The following MDFIC2 variants were observed in gnomAD, a reference collection of about 807,000 sequenced individuals.
The protein encoded by MDFIC2 is myoD family inhibitor domain-containing protein 2.
intron 2 of MDFIC2, among the ~76,000 whole-genome samples, chr3:70,281,447 A>G (rs1015298526): frequency 4.6e-5 from 7 of 152,176 alleles, no homozygotes; most frequent in African/African-American, 1.7e-4. Flanking sequence ...TAGGCAAGTA[A>G]TCGTGAACAG....
intron 2 of MDFIC2, among the ~76,000 whole-genome samples, chr3:70,232,083 G>A (rs1701564791): frequency 6.6e-6 from 1 of 152,170 alleles, no homozygotes; most frequent in Admixed American, 6.5e-5. Flanking sequence ...ACTGGGAGAT[G>A]TGCTTTCCAA....
chr3:70,206,300 T>C (rs1028007446), intron 3 of MDFIC2, among the ~76,000 whole-genome samples: 5 of 152,030 alleles, frequency 3.3e-5, no homozygotes, highest in African/African-American at 1.2e-4. Flanking sequence ...ATCTGCCTCA[T>C]AGCCCCATAG....
intron 2 of MDFIC2, among the ~76,000 whole-genome samples, chr3:70,257,749 T>C (rs747047279): frequency 7.9e-5 from 12 of 152,198 alleles, no homozygotes; most frequent in Non-Finnish European, 1.5e-4. Flanking sequence ...AAATGACTTA[T>C]GTATTCAGTG....
intron 2 of MDFIC2, among the ~76,000 whole-genome samples, chr3:70,290,500 T>C (rs1021518670): frequency 2.6e-5 from 4 of 152,212 alleles, no homozygotes; most frequent in East Asian, 1.9e-4. Context: ...GCAGAGGTTA[T>C]GGCTGTCTTT....
chr3:70,237,529 T>C (rs903327869), intron 2 of MDFIC2, among the ~76,000 whole-genome samples: 5 of 152,234 alleles, frequency 3.3e-5, no homozygotes, highest in African/African-American at 1.2e-4. Context: ...TATGCTAAAA[T>C]TGATGTCTTA....
chr3:70,268,634 G>C (rs1300497382), intron 2 of MDFIC2, among the ~76,000 whole-genome samples: 1 of 152,108 alleles, frequency 6.6e-6, no homozygotes, highest in African/African-American at 2.4e-5. Flanking sequence ...TTGACATGTA[G>C]CTTTCTTTGT....
At chr3:70,281,028 A>T (rs1344697407) in intron 2 of MDFIC2, among the ~76,000 whole-genome samples, 1 of 152,182 alleles carries the variant, frequency 6.6e-6, no homozygotes, top group African/African-American at 2.4e-5. Context: ...TTTCCTTTGT[A>T]TCTTTGGGTC....
intron 3 of MDFIC2, among the ~76,000 whole-genome samples, chr3:70,204,314 C>T (rs867266460): frequency 6.8e-6 from 1 of 146,860 alleles, no homozygotes. Flanking sequence ...CCCCAGCTCT[C>T]AATTTCTGCA....
In MDFIC2 at chr3:70,300,438, A is replaced by C. The variant is rs759731619; in HGVS notation, c.88+11448T>G. 8.5e-5 allele frequency among the ~76,000 whole-genome samples: 13 copies of C among 152,188 alleles called. No homozygotes were observed. In the Middle Eastern group the frequency reaches 0.017, roughly 199 times the overall value. On this transcript the variant is annotated intron_variant, in intron 2 of 3. Coordinates refer to ENST00000567252, the MANE Select transcript of MDFIC2 (RefSeq NM_001364677.1). ...TCTTACAAATTGAAGATATCCAATAAAAATATAGTTAGAAGGGCATAGAGA... is the reference window on the plus strand; with the variant it reads ...TCTTACAAATTGAAGATATCCAATACAAATATAGTTAGAAGGGCATAGAGA...
chr3:70,229,931 TA>T (rs1167306389), intron 2 of MDFIC2, among the ~76,000 whole-genome samples: 1 of 152,180 alleles, frequency 6.6e-6, no homozygotes, highest in Non-Finnish European at 1.5e-5. Flanking sequence ...TTGGGGTATA[TA>T]TTATGGAATT....
chr3:70,289,013 A>G (rs989685773), intron 2 of MDFIC2, among the ~76,000 whole-genome samples: 1 of 152,084 alleles, frequency 6.6e-6, no homozygotes, highest in Non-Finnish European at 1.5e-5. Flanking sequence ...ATCTTTATCC[A>G]GTTTGCCAGT....
rs1030768739 is a variant in MDFIC2 at position 70,195,178 on chromosome 3, G to C, written c.*1748C>G. Among the ~76,000 whole-genome samples, 1 of 152,150 alleles carries C rather than the reference G, an allele frequency of 6.6e-6. No homozygotes were observed. Among genetic ancestry groups the C allele is most frequent in the East Asian group, 1.9e-4 (1 of 5,184 alleles). ...TGTGAAATATAAAAAGGTTGCATAA[G>C]AACAGCCTTATGTTCCCTTCCTGTT... On this transcript the variant is annotated 3_prime_UTR_variant, in exon 4 of 4. Transcript: ENST00000567252.
At chr3:70,225,211 TAAGAG>T (rs1264889167) in intron 2 of MDFIC2, among the ~76,000 whole-genome samples, 3 of 152,198 alleles carry the variant, frequency 2.0e-5, no homozygotes, top group African/African-American at 7.2e-5. Context: ...TTTGGTTTAA[TAAGAG>T]AAATGTATAA....
At chr3:70,246,799 G>T (rs1701711611) in intron 2 of MDFIC2, among the ~76,000 whole-genome samples, 1 of 151,698 alleles carries the variant, frequency 6.6e-6, no homozygotes, top group Admixed American at 6.6e-5. Context: ...TTTTTAGAGG[G>T]AAAAAAACCC....
Position 70,197,109 on chromosome 3 carries a change from G to A in MDFIC2, c.387C>T (p.Cys129=), listed in dbSNP as rs772155757. ...WDCLLMLPGT[C]ETVCTKMCCP... ...AGCACATTTTGGTACACACCGTTTC[G>A]CAGGTGCCGGGGAGCATCAGGAGAC... Residue 129 remains cysteine, a synonymous_variant, in exon 4 of 4, where the codon TGC becomes TGT. Coordinates refer to ENST00000567252, the MANE Select transcript of MDFIC2 (RefSeq NM_001364677.1). 1 of 398,542 alleles carries A rather than the reference G, an allele frequency of 2.5e-6. No homozygotes were observed. Among genetic ancestry groups the A allele is most frequent in the Non-Finnish European group, 4.4e-6 (1 of 226,074 alleles). The allele number at this position is 398,542 out of a possible 1,614,324, so 24.7% of individuals were successfully genotyped here. A position where few individuals can be genotyped will look rare whatever the true frequency, so the allele number is the denominator to read the frequency against.
chr3:70,280,841 C>T (rs1297388158), intron 2 of MDFIC2, among the ~76,000 whole-genome samples: 1 of 152,100 alleles, frequency 6.6e-6, no homozygotes, highest in Non-Finnish European at 1.5e-5. Context: ...GGTACTGCCC[C>T]ACACCCAGAA....
chr3:70,244,808 A>G (rs982033271), intron 2 of MDFIC2, among the ~76,000 whole-genome samples: 1 of 152,242 alleles, frequency 6.6e-6, no homozygotes, highest in African/African-American at 2.4e-5. Flanking sequence ...GTCTCTATGT[A>G]TATATCCATG....
chr3:70,250,143 ATTC>A (rs1433640070), intron 2 of MDFIC2, among the ~76,000 whole-genome samples: 9 of 152,124 alleles, frequency 5.9e-5, no homozygotes, highest in Admixed American at 5.9e-4. Flanking sequence ...GTTGCTAGTT[ATTC>A]TTCTCTGTTC....
At chr3:70,206,879 C>T (rs971236108) in intron 2 of MDFIC2, 89 bp from the exon 3 acceptor site, 5 of 395,574 alleles carry the variant, frequency 1.3e-5, no homozygotes, top group African/African-American at 6.2e-5. Context: ...TCACATTTGA[C>T]TTTCCTAAGA....
Sources: gnomAD v4.1 joint callset for allele counts (sites outside exome capture counted in the v4.1 genomes callset) on GRCh38, gnomAD v4.1.1 for gene constraint, MANE v1.5 for transcripts, NCBI Gene and HGNC (gene_info 2026-07-23, HGNC 2026-07-21) for gene names.